The following WDR83 variants were observed in gnomAD, a reference collection of about 807,000 sequenced individuals.
WDR83 encodes WD repeat domain-containing protein 83.
Under a neutral mutation model 37.7 loss-of-function variants are expected in WDR83, and 37 were observed. The observed-to-expected ratio is 0.98, with a 90% CI of 0.76 to 1.29. The LOEUF is 1.29. Among genes scored for constraint, WDR83 ranks in the 50% most tolerant of loss-of-function variants. The probability of loss-of-function intolerance (pLI) is 0.00; values close to 1 mark genes in which losing one functional copy is unlikely to be tolerated. For synonymous variants in WDR83, 174 were observed against 181.1 expected (o/e 0.96, Z 0.31); for missense variants, 445 against 414.4 (o/e 1.07, Z -0.64).
At chr19:12,671,626 C>A in intron 7 of WDR83, among the ~76,000 whole-genome samples, 1 of 151,326 alleles carries the variant, frequency 6.6e-6, no homozygotes, top group East Asian at 1.9e-4. Context: ...CACTCCTGGG[C>A]GATAGAGCAA....
In WDR83 at chr19:12,670,550, A is replaced by T; in HGVS notation, c.331-13A>T. ...AAAGTCCAGCCTCCTCTGAGTGGCA[A>T]TAACTTTCTCAGAAGGTGAACACGG... On this transcript the variant is annotated splice_polypyrimidine_tract_variant and intron_variant, in intron 5 of 10. Transcript: ENST00000418543. The T allele has an allele frequency of 6.2e-7, 1 of 1,614,194 alleles. No homozygotes were observed. The highest frequency in any genetic ancestry group is 8.5e-7 in the Non-Finnish European group (1 of 1,180,026).
chr19:12,669,047 G>A, intron 2 of WDR83: 1 of 1,435,172 alleles, frequency 7.0e-7, no homozygotes, highest in African/African-American at 1.6e-5. Context: ...GCAATGACAA[G>A]ACACCCCGCT....
chr19:12,671,798 G>A (rs2024427981), intron 7 of WDR83, among the ~76,000 whole-genome samples: 1 of 152,056 alleles, frequency 6.6e-6, no homozygotes, highest in African/African-American at 2.4e-5. Context: ...TCTAGGTTCA[G>A]GCGATTCTCC....
In WDR83 at chr19:12,670,552, A is replaced by T. The variant is rs372365695; in HGVS notation, c.331-11A>T. ...AGTCCAGCCTCCTCTGAGTGGCAAT[A>T]ACTTTCTCAGAAGGTGAACACGGTG... On this transcript the variant is annotated splice_polypyrimidine_tract_variant and intron_variant, in intron 5 of 10. Coordinates refer to ENST00000418543, the MANE Select transcript of WDR83 (RefSeq NM_001099737.3). The T allele has an allele frequency of 5.1e-5, 82 of 1,614,016 alleles. No individual in the cohort carries two copies. The highest frequency in any genetic ancestry group is 6.3e-5 in the Non-Finnish European group (74 of 1,180,032).
At chr19:12,669,948 C>A in intron 3 of WDR83, 29 bp from the exon 4 acceptor site, 1 of 1,603,540 alleles carries the variant, frequency 6.2e-7, no homozygotes, top group Admixed American at 1.7e-5. Flanking sequence ...AGATCGACGG[C>A]CCAGTAACCC....
At position 12,672,005 on chromosome 19, in the gene WDR83, T is replaced by C. The variant is rs550291254; in HGVS notation, c.507-842T>C. ...GCCACCGCGCCTGGTGGAAAAAATA[T>C]ATTTTCTATTCATTAAGTGGAAGTG... On this transcript the variant is annotated intron_variant, in intron 7 of 10. Transcript: ENST00000418543. 5.3e-5 allele frequency among the ~76,000 whole-genome samples: 8 copies of C among 152,264 alleles called. No individual in the cohort carries two copies. The South Asian group carries it at 8.3e-4, about 16-fold the overall frequency.
chr19:12,674,634 G>A (rs977830202), intron 10 of WDR83, among the ~76,000 whole-genome samples: 2 of 152,180 alleles, frequency 1.3e-5, no homozygotes, highest in African/African-American at 4.8e-5. Context: ...ATTGTGTTGG[G>A]ACCAGGGGAA....
intron 5 of WDR83, 43 bp from the exon 6 acceptor site, chr19:12,670,520 C>G: frequency 6.2e-7 from 1 of 1,613,988 alleles, no homozygotes; most frequent in Non-Finnish European, 8.5e-7. Flanking sequence ...TTATCCCAGT[C>G]CTCCAAAGTC....
chr19:12,667,211 T>C (rs1351569354), intron 1 of WDR83, among the ~76,000 whole-genome samples: 1 of 152,152 alleles, frequency 6.6e-6, no homozygotes, highest in Non-Finnish European at 1.5e-5. Context: ...CCAGCCTGGT[T>C]GAGAAGGATC....
Position 12,670,725 on chromosome 19 carries a change from A to G in WDR83, c.410A>G (p.Asp137Gly). 1.9e-6 allele frequency: 3 copies of G among 1,614,104 alleles called. No homozygotes were observed. The highest frequency in any genetic ancestry group is 2.5e-6 in the Non-Finnish European group (3 of 1,180,016). Reference protein sequence around the residue: ...GSIDSSIRCWDCRSRRPEPVQ... With the variant: ...GSIDSSIRCWGCRSRRPEPVQ... ...ATTGATTCCAGTATCCGCTGTTGGGATTGCCGCTCACGGAGGCCTGAGCCA... is the reference window on the plus strand; with the variant it reads ...ATTGATTCCAGTATCCGCTGTTGGGGTTGCCGCTCACGGAGGCCTGAGCCA... Residue 137 changes from aspartate (D) to glycine (G), a missense_variant, in exon 7 of 11, where the codon GAT becomes GGT. By Grantham distance (94) the Asp-to-Gly change is moderately conservative. Coordinates refer to ENST00000418543, the MANE Select transcript of WDR83 (RefSeq NM_001099737.3).
chr19:12,667,187 A>C (rs1179680960), intron 1 of WDR83, among the ~76,000 whole-genome samples, 195 bp downstream of exon 1: 1 of 152,174 alleles, frequency 6.6e-6, no homozygotes, highest in Non-Finnish European at 1.5e-5. Context: ...CCCCTGGAGT[A>C]CCAGGGATGG....
chr19:12,670,991 C>T, intron 7 of WDR83, 170 bp downstream of exon 7: 1 of 916,170 alleles, frequency 1.1e-6, no homozygotes, highest in Non-Finnish European at 1.6e-6. Context: ...GTTCGAGGCA[C>T]CATTGCACTC....
At chr19:12,670,644 G>A (rs551484687) in intron 6 of WDR83, 33 bp downstream of exon 6, 5 of 1,614,192 alleles carry the variant, frequency 3.1e-6, no homozygotes, top group East Asian at 2.2e-5. Flanking sequence ...GGGGCCCAGG[G>A]TGCTGCCCTC....
intron 2 of WDR83, chr19:12,669,541 AC>A: frequency 9.1e-7 from 1 of 1,097,428 alleles, no homozygotes. Flanking sequence ...GACTCCCCTT[AC>A]CCAGAGAACG....
chr19:12,668,162 G>A (rs1808745581), intron 1 of WDR83: 2 of 580,950 alleles, frequency 3.4e-6, no homozygotes, highest in Non-Finnish European at 3.1e-6. Flanking sequence ...CCAGCAGCAG[G>A]CAGGGGAAGG....
At chr19:12,671,831 G>T (rs970256639) in intron 7 of WDR83, among the ~76,000 whole-genome samples, 3 of 151,972 alleles carry the variant, frequency 2.0e-5, no homozygotes, top group Admixed American at 6.6e-5. Flanking sequence ...CCTAGTAGCT[G>T]GGACTACAGT....
rs1053805 is a variant in WDR83, at chr19:12,668,356, G to A, written c.-156-152G>A. On this transcript the variant is annotated intron_variant, in intron 1 of 10. Coordinates refer to ENST00000418543, the MANE Select transcript of WDR83 (RefSeq NM_001099737.3). ...TCCAAAATGTGACCCTTCTAGGCTG[G>A]TATCACCATGGGGGCGTCATGGGCT... 0.036 allele frequency: 57,216 copies of A among 1,611,170 alleles called. 8,447 individuals carry two copies. In the African/African-American group the frequency reaches 0.46, roughly 13 times the overall value.
intron 7 of WDR83, 82 bp from the exon 8 acceptor site, chr19:12,672,765 C>G: frequency 7.1e-7 from 1 of 1,407,792 alleles, no homozygotes; most frequent in African/African-American, 1.4e-5. Context: ...AAGAGCAGGC[C>G]CACTGGGCTG....
Position 12,669,617 on chromosome 19 carries a change from G to A in WDR83, c.-36-138G>A, listed in dbSNP as rs1599366118. The A allele has an allele frequency of 1.3e-5, 12 of 908,220 alleles. No homozygotes were observed. The South Asian group carries it at 1.9e-4, about 15-fold the overall frequency. The allele number at this position is 908,220 out of a possible 1,614,324, so 56.3% of individuals were successfully genotyped here. A position where few individuals can be genotyped will look rare whatever the true frequency, so the allele number is the denominator to read the frequency against. On this transcript the variant is annotated intron_variant, in intron 2 of 10. Coordinates refer to ENST00000418543, the MANE Select transcript of WDR83 (RefSeq NM_001099737.3). ...AAATGGGGAAAAGAACCTGAAAGCG[G>A]GCTTCAATAGTTCCAACCCGATCAC...
Sources: allele counts gnomAD v4.1 joint callset (sites outside exome capture counted in the v4.1 genomes callset), GRCh38; gene constraint gnomAD v4.1.1; transcripts MANE v1.5; gene names NCBI Gene and HGNC (gene_info 2026-07-23, HGNC 2026-07-21).